The following RCC1L variants were observed in gnomAD, a reference collection of about 807,000 sequenced individuals.
The protein encoded by RCC1L is RCC1-like G exchanging factor-like protein.
In RCC1L, 46 loss-of-function variants were observed where a neutral mutation model predicts 58.6. The observed-to-expected ratio is 0.79, with a 90% CI of 0.62 to 1.00. RCC1L has a LOEUF of 1.00. Among genes scored for constraint, RCC1L ranks in the 50% least tolerant of loss-of-function variants. The probability of loss-of-function intolerance (pLI) is 0.00; values close to 1 mark genes in which losing one functional copy is unlikely to be tolerated. For missense variants in RCC1L, 636 were observed against 623.6 expected (o/e 1.02, Z -0.21); for synonymous variants, 281 against 262.9 (o/e 1.07, Z -0.67).
chr7:75,059,187 CAAAAAAAA>C (rs71278503), intron 6 of RCC1L, among the ~76,000 whole-genome samples: 4 of 77,986 alleles, frequency 5.1e-5, no homozygotes, highest in Non-Finnish European at 7.9e-5. Flanking sequence ...ATGAGACTCT[CAAAAAAAA>C]AAAAAAAAGA....
chr7:75,038,070 G>T (rs1042342093), downstream of RCC1L, among the ~76,000 whole-genome samples: 3 of 152,208 alleles, frequency 2.0e-5, no homozygotes, highest in East Asian at 3.8e-4. Flanking sequence ...GCAGGGACAG[G>T]TGCCTGGTGC....
At chr7:75,040,430 A>G (rs1805527392), downstream of RCC1L, among the ~76,000 whole-genome samples, 1 of 152,188 alleles carries the variant, frequency 6.6e-6, no homozygotes, top group Non-Finnish European at 1.5e-5. Flanking sequence ...ACTGCACTCC[A>G]GCCTGGGCAA....
chr7:75,034,456 C>T (rs977343798), intron 10 of RCC1L, among the ~76,000 whole-genome samples: 4 of 152,200 alleles, frequency 2.6e-5, no homozygotes, highest in Non-Finnish European at 5.9e-5. Flanking sequence ...GCGGAGGTTG[C>T]AGTGAGCTGA....
intron 1 of RCC1L, among the ~76,000 whole-genome samples, chr7:75,073,062 C>T (rs1205717339): frequency 1.1e-4 from 17 of 152,340 alleles, no homozygotes; most frequent in Admixed American, 9.8e-4. Flanking sequence ...CCTGCAGTCA[C>T]GCTGGCCTGA....
chr7:75,069,416 G>C (rs1806641157), intron 2 of RCC1L, among the ~76,000 whole-genome samples: 2 of 149,096 alleles, frequency 1.3e-5, no homozygotes, highest in Non-Finnish European at 3.0e-5. Context: ...ATGTTGCCCA[G>C]CGTGGTCTGG....
chr7:75,035,062 G>A (rs1207977859), intron 10 of RCC1L, among the ~76,000 whole-genome samples: 6 of 151,878 alleles, frequency 4.0e-5, no homozygotes, highest in Non-Finnish European at 5.9e-5. Flanking sequence ...ATGGAGTCTC[G>A]CTCTGTCACC....
intron 10 of RCC1L, 58 bp downstream of exon 10, chr7:75,052,653 G>T: frequency 6.6e-7 from 1 of 1,514,966 alleles, no homozygotes; most frequent in Non-Finnish European, 9.0e-7. Flanking sequence ...TGTCTGCAGT[G>T]ACGTCAGGTG....
chr7:75,064,780 C>A, intron 3 of RCC1L, 132 bp from the exon 4 acceptor site: 1 of 971,756 alleles, frequency 1.0e-6, no homozygotes, highest in Non-Finnish European at 1.7e-6. Context: ...CCTGGGTTTC[C>A]TTCTCCAACT....
At chr7:75,063,259 CACA>C (rs1806333269) in intron 5 of RCC1L, 30 bp downstream of exon 5, 2 of 1,613,618 alleles carry the variant, frequency 1.2e-6, no homozygotes, top group African/African-American at 2.7e-5. Flanking sequence ...ACCCCAGGAA[CACA>C]ACAAGCAGCT....
At chr7:75,064,413 A>T (rs1319151829) in intron 4 of RCC1L, among the ~76,000 whole-genome samples, 169 bp downstream of exon 4, 1 of 151,558 alleles carries the variant, frequency 6.6e-6, no homozygotes, top group East Asian at 1.9e-4. Context: ...AAGCTAACAC[A>T]TGGCGCTCAA....
At chr7:75,048,121 G>T (rs1805795971) in intron 10 of RCC1L, among the ~76,000 whole-genome samples, 1 of 151,488 alleles carries the variant, frequency 6.6e-6, no homozygotes, top group Admixed American at 6.6e-5. Flanking sequence ...ACAAAAATTA[G>T]CCAGGCATGG....
At chr7:75,032,446 G>C (rs1423500711) in intron 10 of RCC1L, among the ~76,000 whole-genome samples, 1 of 152,218 alleles carries the variant, frequency 6.6e-6, no homozygotes. Flanking sequence ...CCTCTTGGTA[G>C]GCGGGACACT....
intron 10 of RCC1L, among the ~76,000 whole-genome samples, chr7:75,050,120 T>C (rs1035685097): frequency 6.6e-6 from 1 of 151,430 alleles, no homozygotes; most frequent in African/African-American, 2.4e-5. Flanking sequence ...CAAATGTGTT[T>C]AAAAAGCAAA....
intron 2 of RCC1L, among the ~76,000 whole-genome samples, chr7:75,068,664 C>T (rs587616471): frequency 6.6e-6 from 1 of 151,856 alleles, no homozygotes; most frequent in African/African-American, 2.4e-5. Flanking sequence ...CCAGCCTGGG[C>T]GACAGCAAGA....
chr7:75,066,017 CAAA>C (rs587689104), intron 3 of RCC1L, among the ~76,000 whole-genome samples: 2 of 138,920 alleles, frequency 1.4e-5, no homozygotes, highest in Admixed American at 7.3e-5. Context: ...GACTCTGTCT[CAAA>C]AAAAAAAAAA....
intron 8 of RCC1L, chr7:75,056,456 G>C (rs1327496968): frequency 6.4e-6 from 9 of 1,395,604 alleles, no homozygotes; most frequent in Non-Finnish European, 3.8e-6. Context: ...ACACTGATCA[G>C]AAGGCCAAAC....
At chr7:75,063,938 TAAATAAAAATAAAATGAAAAAAATG>T (rs1291596302) in intron 4 of RCC1L, among the ~76,000 whole-genome samples, 58 of 149,644 alleles carry the variant, frequency 3.9e-4, no homozygotes, top group African/African-American at 1.4e-3. Flanking sequence ...AAACAAAAAA[TAAATAAAAATAAAATGAAAAAAATG>T]AAATAAAAAT....
downstream of RCC1L, chr7:75,042,179 G>A: frequency 4.1e-6 from 4 of 985,292 alleles, no homozygotes; most frequent in Middle Eastern, 1.6e-3. Flanking sequence ...GATCTCTTCA[G>A]AGCTTAAAAA....
chr7:75,072,161 C>CATATACAT (rs1455614533), intron 1 of RCC1L, among the ~76,000 whole-genome samples: 18 of 46,366 alleles, frequency 3.9e-4, no homozygotes, highest in South Asian at 8.9e-4. Flanking sequence ...TATACATATA[C>CATATACAT]ATATATATAT....
Sources: gnomAD v4.1 joint callset for allele counts (sites outside exome capture counted in the v4.1 genomes callset) on GRCh38, gnomAD v4.1.1 for gene constraint, MANE v1.5 for transcripts, NCBI Gene and HGNC (gene_info 2026-07-23, HGNC 2026-07-21) for gene names.